KHDRBS2: variants seen among roughly 807,000 people sequenced by gnomAD.
KHDRBS2 encodes KH domain-containing, RNA-binding, signal transduction-associated protein 2.
Under a neutral mutation model 44.3 loss-of-function variants are expected in KHDRBS2, and 26 were observed. The ratio of observed to expected loss-of-function variants is 0.59; its 90% confidence interval spans 0.43 to 0.81. KHDRBS2 has a LOEUF of 0.81. Ranked by LOEUF, KHDRBS2 falls within the 40% of genes least tolerant of loss-of-function variation. KHDRBS2 has a pLI of 0.00. For missense variants in KHDRBS2, 476 were observed against 433.1 expected (o/e 1.10, Z -0.88); for synonymous variants, 194 against 151.1 (o/e 1.28, Z -2.08).
intron 3 of KHDRBS2, among the ~76,000 whole-genome samples, chr6:62,016,013 A>T (rs1235980370): frequency 6.6e-6 from 1 of 152,166 alleles, no homozygotes; most frequent in African/African-American, 2.4e-5. Flanking sequence ...CCAGGTTTAG[A>T]CTTTCAAGTA....
chr6:62,125,200 C>G (rs1410395328), intron 2 of KHDRBS2, among the ~76,000 whole-genome samples: 1 of 152,158 alleles, frequency 6.6e-6, no homozygotes, highest in African/African-American at 2.4e-5. Flanking sequence ...GAAAGAAAAT[C>G]TGTGTGCTTG....
At chr6:62,053,187 C>T (rs1319114563) in intron 2 of KHDRBS2, among the ~76,000 whole-genome samples, 3 of 151,674 alleles carry the variant, frequency 2.0e-5, no homozygotes, top group African/African-American at 7.3e-5. Context: ...AATACCAGTC[C>T]CATTAGTTGC....
the KHDRBS2 span, among the ~76,000 whole-genome samples, chr6:61,648,215 C>G: frequency 6.6e-6 from 1 of 151,924 alleles, no homozygotes; most frequent in Admixed American, 6.6e-5. Context: ...TTTTATGGAA[C>G]TAGGTGCCTT....
chr6:61,638,664 G>A, the KHDRBS2 span, among the ~76,000 whole-genome samples: 3,720 of 152,154 alleles, frequency 0.024, 70 homozygotes, highest in Middle Eastern at 0.088. Context: ...TGATAATTGA[G>A]CTGTCATTTG....
At chr6:61,766,033 G>C (rs1057082106) in intron 6 of KHDRBS2, among the ~76,000 whole-genome samples, 1 of 151,896 alleles carries the variant, frequency 6.6e-6, no homozygotes, top group Non-Finnish European at 1.5e-5. Context: ...CTATTTTTCT[G>C]AATAATTTGA....
chr6:61,938,759 G>T (rs971718322), intron 4 of KHDRBS2, among the ~76,000 whole-genome samples: 2 of 152,082 alleles, frequency 1.3e-5, no homozygotes, highest in Non-Finnish European at 2.9e-5. Context: ...GTGTCTCTTT[G>T]AGAAAATCCA....
chr6:61,710,825 ATTCT>A (rs961141391), intron 7 of KHDRBS2, among the ~76,000 whole-genome samples: 1 of 122,716 alleles, frequency 8.1e-6, no homozygotes, highest in Admixed American at 8.8e-5. Context: ...TCTTGATCTC[ATTCT>A]TTATCACAAT....
At chr6:61,838,574 T>C (rs1793089560) in intron 6 of KHDRBS2, among the ~76,000 whole-genome samples, 2 of 151,990 alleles carry the variant, frequency 1.3e-5, no homozygotes, top group Non-Finnish European at 2.9e-5. Context: ...CTTCAACCTA[T>C]ATATAGTCTT....
chr6:61,750,836 C>T (rs1777574764), intron 6 of KHDRBS2, among the ~76,000 whole-genome samples: 1 of 150,862 alleles, frequency 6.6e-6, no homozygotes, highest in Non-Finnish European at 1.5e-5. Flanking sequence ...GTTACAGTTC[C>T]TTCCAACATG....
At chr6:61,562,622 G>A in the KHDRBS2 span, among the ~76,000 whole-genome samples, 2 of 152,124 alleles carry the variant, frequency 1.3e-5, no homozygotes, top group East Asian at 3.9e-4. Context: ...GTCTTTCTTA[G>A]GGACCTCAGA....
chr6:61,833,355 T>A (rs1792137209), intron 6 of KHDRBS2, among the ~76,000 whole-genome samples: 1 of 152,216 alleles, frequency 6.6e-6, no homozygotes, highest in Non-Finnish European at 1.5e-5. Context: ...TTGATTAAAT[T>A]CTAGGCCAGA....
chr6:61,992,933 T>C (rs1323435351), intron 3 of KHDRBS2, among the ~76,000 whole-genome samples: 6 of 152,154 alleles, frequency 3.9e-5, no homozygotes, highest in Admixed American at 1.3e-4. Flanking sequence ...CAGAGATGCC[T>C]GCGAACCTGT....
chr6:62,247,109 C>T (rs1243678088), intron 1 of KHDRBS2, among the ~76,000 whole-genome samples: 18 of 151,944 alleles, frequency 1.2e-4, no homozygotes. Flanking sequence ...GGTCTCACAC[C>T]TGTGGATACC....
At chr6:61,738,948 G>A (rs1260980301) in intron 6 of KHDRBS2, among the ~76,000 whole-genome samples, 1 of 151,812 alleles carries the variant, frequency 6.6e-6, no homozygotes, top group African/African-American at 2.4e-5. Context: ...TCAGACATAA[G>A]TCCTATCTTT....
chr6:61,849,180 T>C (rs1795080185), intron 6 of KHDRBS2, among the ~76,000 whole-genome samples: 1 of 152,114 alleles, frequency 6.6e-6, no homozygotes, highest in Non-Finnish European at 1.5e-5. Context: ...GTTTGTATCT[T>C]ATCCTAATAT....
intron 6 of KHDRBS2, among the ~76,000 whole-genome samples, chr6:61,893,638 C>T (rs1802396155): frequency 6.6e-6 from 1 of 152,074 alleles, no homozygotes; most frequent in Admixed American, 6.5e-5. Context: ...TCTCAGCAAA[C>T]TATCGCAAAG....
chr6:61,793,601 T>A (rs1185278499), intron 6 of KHDRBS2, among the ~76,000 whole-genome samples: 4 of 151,964 alleles, frequency 2.6e-5, no homozygotes, highest in African/African-American at 9.7e-5. Flanking sequence ...ATACTGAAAA[T>A]TTTTAATATT....
chr6:62,096,890 T>G (rs1800731867), intron 2 of KHDRBS2, among the ~76,000 whole-genome samples: 1 of 151,898 alleles, frequency 6.6e-6, no homozygotes, highest in South Asian at 2.1e-4. Context: ...CCTAAGTGAA[T>G]GCTATAATTT....
At chr6:62,136,166 C>T (rs1811482674) in intron 2 of KHDRBS2, among the ~76,000 whole-genome samples, 2 of 151,864 alleles carry the variant, frequency 1.3e-5, no homozygotes, top group South Asian at 4.2e-4. Context: ...TATATCAAAA[C>T]ATCATGTTGG....
Sources: allele counts gnomAD v4.1 joint callset (sites outside exome capture counted in the v4.1 genomes callset), GRCh38; gene constraint gnomAD v4.1.1; transcripts MANE v1.5; gene names NCBI Gene and HGNC (gene_info 2026-07-23, HGNC 2026-07-21).